COL1A2: variants seen among roughly 807,000 people sequenced by gnomAD.
COL1A2 encodes collagen type I alpha 2 chain.
COL1A2 carries 49 observed loss-of-function variants against 174.3 expected under a neutral mutation model. The observed-to-expected ratio is 0.28, with a 90% CI of 0.22 to 0.36. COL1A2 has a LOEUF of 0.36. Ranked by LOEUF, COL1A2 falls within the 10% of genes least tolerant of loss-of-function variation. The probability of loss-of-function intolerance (pLI) is 1.00; values close to 1 mark genes in which losing one functional copy is unlikely to be tolerated. For synonymous variants in COL1A2, 655 were observed against 606.6 expected, an observed-to-expected ratio of 1.08 and a Z score of -1.17; for missense variants, 1,438 against 1,822.7, an observed-to-expected ratio of 0.79 and a Z score of 3.84.
At chr7:94,401,399 G>A (rs1791684660) in intron 5 of COL1A2, among the ~76,000 whole-genome samples, 168 bp from the exon 6 acceptor site, 1 of 151,960 alleles carries the variant, frequency 6.6e-6, no homozygotes, top group South Asian at 2.1e-4. Flanking sequence ...AACTTTTTAG[G>A]AATTTAGTTC....
intron 40 of COL1A2, 158 bp downstream of exon 40, chr7:94,423,276 G>T (rs1584328146): frequency 3.6e-6 from 3 of 831,454 alleles, no homozygotes; most frequent in East Asian, 2.7e-5. Flanking sequence ...ACACTGAGGG[G>T]CTGTGGCTTC....
rs569164172 is a variant in COL1A2 at position 94,424,999 on chromosome 7, A to C, written c.2674-118A>C. ...CTTCTTACCATTGTGTGACCCATTC[A>C]CATTCAATTTACCTTCTTCCTTCAA... On this transcript the variant is annotated intron_variant, in intron 41 of 51. Transcript: ENST00000297268. 21 of 832,584 alleles carry C rather than the reference A, an allele frequency of 2.5e-5. No homozygotes were observed. The South Asian group carries it at 3.0e-4, about 12-fold the overall frequency. 51.6% of individuals were successfully genotyped at this position (832,584 alleles called of 1,614,324 possible). A position where few individuals can be genotyped will look rare whatever the true frequency, so the allele number is the denominator to read the frequency against.
intron 19 of COL1A2, 24 bp from the exon 20 acceptor site, chr7:94,410,218 C>T (rs1791891228): frequency 2.5e-6 from 4 of 1,612,392 alleles, no homozygotes. Context: ...TGTCCTTTGA[C>T]CACTGTTCTG....
rs148063325 is a variant in COL1A2 at position 94,409,761 on chromosome 7, A to C, written c.975A>C (p.Gly325=). Reference sequence around the variant, plus strand: ...TTGCTGGGGCTCCCGGCCTCCCTGGACCCCGCGGTATTCCTGGCCCTGTTG... The same window carrying C: ...TTGCTGGGGCTCCCGGCCTCCCTGGCCCCCGCGGTATTCCTGGCCCTGTTG... ...PGVAGAPGLP[G]PRGIPGPVGA... is the part of the protein sequence containing the mutation. Residue 325 remains glycine, a synonymous_variant, in exon 19 of 52, where the codon GGA becomes GGC. Coordinates refer to ENST00000297268, the MANE Select transcript of COL1A2 (RefSeq NM_000089.4). 1 of 1,613,918 alleles carries C rather than the reference A, an allele frequency of 6.2e-7. No individual in the cohort carries two copies. The highest frequency in any genetic ancestry group is 8.5e-7 in the Non-Finnish European group (1 of 1,179,984).
intron 21 of COL1A2, 148 bp downstream of exon 21, chr7:94,410,675 A>C: frequency 1.1e-6 from 1 of 906,160 alleles, no homozygotes; most frequent in Admixed American, 2.0e-5. Flanking sequence ...AGTGACTCTC[A>C]ATTTAATATG....
Position 94,427,641 on chromosome 7 carries a change from C to T in COL1A2, c.3282C>T (p.Pro1094=), listed in dbSNP as rs753082771. 1.9e-6 allele frequency: 3 copies of T among 1,613,982 alleles called. No individual in the cohort carries two copies. Among genetic ancestry groups the T allele is most frequent in the Admixed American group, 1.7e-5 (1 of 60,000 alleles). Residue 1094 remains proline (P), a synonymous_variant, in exon 49 of 52, where the codon CCC becomes CCT. Transcript: ENST00000297268. Reference sequence around the variant, plus strand: ...CACCTTTGCAGGGCCCCCCTGGTCCCCCTGGCCCTCCTGGACCTCCAGGTG... The same window carrying T: ...CACCTTTGCAGGGCCCCCCTGGTCCTCCTGGCCCTCCTGGACCTCCAGGTG... ...GHQGPAGPPG[P]PGPPGPPGVS...
intron 39 of COL1A2, chr7:94,422,485 T>C: frequency 6.1e-6 from 1 of 163,714 alleles, no homozygotes; most frequent in South Asian, 1.6e-4. Context: ...AGAAAAATCT[T>C]CATTCCCTGT....
chr7:94,399,943 G>A (rs1791654971), intron 4 of COL1A2: 1 of 565,532 alleles, frequency 1.8e-6, no homozygotes, highest in Non-Finnish European at 3.2e-6. Flanking sequence ...TTGAATACTG[G>A]AGCTTCAGTA....
At chr7:94,406,470 G>GA (rs1268486117) in intron 12 of COL1A2, among the ~76,000 whole-genome samples, 167 bp downstream of exon 12, 2 of 151,670 alleles carry the variant, frequency 1.3e-5, no homozygotes, top group Non-Finnish European at 2.9e-5. Flanking sequence ...GAGAGTCTGT[G>GA]AAAAAAGGTC....
Position 94,409,819 on chromosome 7 carries a change from G to T in COL1A2, c.1033G>T (p.Val345Phe). The change falls in exon 19 of 52, where the codon GTT (valine) becomes TTT (phenylalanine). Residue 345 changes from valine to phenylalanine, a missense_variant and splice_region_variant. This residue lies in a region of COL1A2 where 867 missense variants were observed against 1,213.7 expected (regional missense o/e 0.71). Coordinates refer to ENST00000297268, the MANE Select transcript of COL1A2 (RefSeq NM_000089.4). ...AAGATGARGL[V>F]GEPGPAGSKG... is the part of the protein sequence containing the mutation. ...CGGTGCTACTGGTGCCAGAGGACTT[G>T]TTGTAAGTGGTCATGACTGTGGTTC... 6.2e-7 allele frequency: 1 copy of T among 1,614,012 alleles called. No homozygotes were observed. Among genetic ancestry groups the T allele is most frequent in the Non-Finnish European group, 8.5e-7 (1 of 1,179,972 alleles).
rs1209613132 is a variant in COL1A2 at position 94,404,745 on chromosome 7, C to T, written c.377C>T (p.Thr126Ile). The T allele has an allele frequency of 6.2e-7, 1 of 1,614,124 alleles. No individual in the cohort carries two copies. The change falls in exon 8 of 52, where the codon ACT becomes ATT. Residue 126 changes from threonine to isoleucine, a missense_variant and splice_region_variant. Transcript: ENST00000297268. The part of the protein sequence containing the change: ...PAGEPGEPGQ[T>I]GPAGARGPAG... ...GGTGAGCCTGGTGAACCTGGTCAAA[C>T]TGTGAGTACATTTTTCCACCTTTGT...
intron 6 of COL1A2, among the ~76,000 whole-genome samples, chr7:94,403,686 G>A (rs1238495338): frequency 6.6e-6 from 1 of 152,068 alleles, no homozygotes; most frequent in African/African-American, 2.4e-5. Context: ...CAGTAAGGTA[G>A]GTTTGACTGC....
rs1791988492 is a variant in COL1A2 at position 94,414,124 on chromosome 7, A to G, written c.1666-98A>G. ...TGCTTAATAACATACAATCGTGCTCATGTTGATATTTGGTAGCCACCACCC... is the reference window on the plus strand; with the variant it reads ...TGCTTAATAACATACAATCGTGCTCGTGTTGATATTTGGTAGCCACCACCC... On this transcript the variant is annotated intron_variant, in intron 28 of 51. Coordinates refer to ENST00000297268, the MANE Select transcript of COL1A2 (RefSeq NM_000089.4). The G allele has an allele frequency of 2.9e-6, 4 of 1,370,938 alleles. No homozygotes were observed. In the East Asian group the frequency reaches 9.2e-5, roughly 31 times the overall value. 84.9% of individuals were successfully genotyped at this position (1,370,938 alleles called of 1,614,324 possible).
rs768006451 is a variant in COL1A2, at chr7:94,408,142, A to G, written c.640-41A>G. On this transcript the variant is annotated intron_variant, in intron 13 of 51. Coordinates refer to ENST00000297268, the MANE Select transcript of COL1A2 (RefSeq NM_000089.4). ...AAATGATGCCTGTGACTTTTTTTAA[A>G]TTAGCATTCTGGATTTTATTGAAAA... 1.1e-5 allele frequency: 18 copies of G among 1,604,608 alleles called. 1 individual carries two copies. The South Asian group carries it at 1.9e-4, about 17-fold the overall frequency.
intron 38 of COL1A2, 62 bp from the exon 39 acceptor site, chr7:94,421,837 C>A: frequency 6.5e-7 from 1 of 1,526,998 alleles, no homozygotes; most frequent in Non-Finnish European, 9.0e-7. Context: ...AAGAAATTCC[C>A]ATCTTACCCA....
chr7:94,412,794 C>T (rs1005930148), intron 25 of COL1A2, 112 bp downstream of exon 25: 28 of 927,946 alleles, frequency 3.0e-5, no homozygotes, highest in Admixed American at 2.2e-4. Flanking sequence ...TTCCTTTCAA[C>T]ACAGGAAAAC....
intron 28 of COL1A2, 33 bp downstream of exon 28, chr7:94,413,980 T>C: frequency 6.3e-7 from 1 of 1,581,570 alleles, no homozygotes; most frequent in Non-Finnish European, 8.7e-7. Context: ...AATACTGCCT[T>C]TGGTCAGCCT....
intron 31 of COL1A2, 196 bp from the exon 32 acceptor site, chr7:94,417,528 C>T (rs1269207090): frequency 1.7e-6 from 1 of 600,626 alleles, no homozygotes; most frequent in Non-Finnish European, 3.0e-6. Flanking sequence ...CTACCCTCAT[C>T]TCTTCAGTCA....
At chr7:94,417,498 A>C in intron 31 of COL1A2, 1 of 538,308 alleles carries the variant, frequency 1.9e-6, no homozygotes, top group East Asian at 3.5e-5. Flanking sequence ...TTATAGAGGA[A>C]TCGCAGCTGT....
Sources: gnomAD v4.1 joint callset for allele counts (sites outside exome capture counted in the v4.1 genomes callset) on GRCh38, gnomAD v4.1.1 for gene constraint, gnomAD v4.1.1 regional missense constraint, MANE v1.5 for transcripts, NCBI Gene and HGNC (gene_info 2026-07-23, HGNC 2026-07-21) for gene names.